PPIL1: variants seen among roughly 807,000 people sequenced by gnomAD.
PPIL1 encodes the protein peptidylprolyl isomerase like 1.
In PPIL1, 14 loss-of-function variants were observed where a neutral mutation model predicts 19.4. That is an observed-to-expected ratio of 0.72 (90% CI 0.48 to 1.13). The LOEUF (loss-of-function observed/expected upper bound fraction) is 1.13, where lower values mean the gene tolerates loss of function less well. Ranked by LOEUF, PPIL1 falls within the 50% of genes most tolerant of loss-of-function variation. The pLI is 0.00. For missense variants in PPIL1, 192 were observed against 218.0 expected (o/e 0.88, Z 0.75); for synonymous variants, 72 against 73.6 (o/e 0.98, Z 0.11).
At chr6:36,869,193 A>T (rs1268105373) in intron 2 of PPIL1, among the ~76,000 whole-genome samples, 1 of 152,184 alleles carries the variant, frequency 6.6e-6, no homozygotes, top group Non-Finnish European at 1.5e-5. Flanking sequence ...TATGTCGCCC[A>T]GGCTGGTCTT....
Position 36,855,725 on chromosome 6 carries a change from T to TA in PPIL1, c.*87_*88insT, listed in dbSNP as rs1774151200. The TA allele has an allele frequency of 2.3e-6, 3 of 1,298,170 alleles. No homozygotes were observed. The Admixed American group carries it at 5.7e-5, about 25-fold the overall frequency. 80.4% of individuals were successfully genotyped at this position (1,298,170 alleles called of 1,614,324 possible). A position where few individuals can be genotyped will look rare whatever the true frequency, so the allele number is the denominator to read the frequency against. On this transcript the variant is annotated 3_prime_UTR_variant, in exon 4 of 4. Transcript: ENST00000373699. Reference sequence around the variant, plus strand: ...AGCTTCATGACTTGCAAAGCCAAAATGAATTTAGCATTACATGTCATTCTA... The same window carrying TA: ...AGCTTCATGACTTGCAAAGCCAAAATAGAATTTAGCATTACATGTCATTCTA...
At chr6:36,865,109 G>A (rs1259925869) in intron 2 of PPIL1, among the ~76,000 whole-genome samples, 3 of 152,104 alleles carry the variant, frequency 2.0e-5, no homozygotes, top group Non-Finnish European at 2.9e-5. Flanking sequence ...CCACACTCCC[G>A]ACAGGTGAGC....
At chr6:36,869,407 G>A (rs1373957019) in intron 2 of PPIL1, among the ~76,000 whole-genome samples, 3 of 152,188 alleles carry the variant, frequency 2.0e-5, no homozygotes, top group Non-Finnish European at 2.9e-5. Context: ...GTCCCAAAGT[G>A]GCACAGTGCA....
intron 3 of PPIL1, 141 bp from the exon 4 acceptor site, chr6:36,856,174 GTCTCT>G: frequency 2.4e-5 from 20 of 835,152 alleles, no homozygotes; most frequent in Non-Finnish European, 3.5e-5. Flanking sequence ...CCTCAGGGCA[GTCTCT>G]CTGCCCTGTA....
At chr6:36,867,918 G>C (rs912663713) in intron 2 of PPIL1, among the ~76,000 whole-genome samples, 1 of 152,224 alleles carries the variant, frequency 6.6e-6, no homozygotes, top group African/African-American at 2.4e-5. Flanking sequence ...CACTGTATCT[G>C]AGCAAGTAAA....
chr6:36,865,734 A>G (rs1774382295), intron 2 of PPIL1, among the ~76,000 whole-genome samples: 1 of 152,166 alleles, frequency 6.6e-6, no homozygotes, highest in Non-Finnish European at 1.5e-5. Context: ...ACATTTGCAT[A>G]TTTATATTAT....
intron 2 of PPIL1, among the ~76,000 whole-genome samples, chr6:36,857,920 T>C (rs562634949): frequency 6.6e-6 from 1 of 152,278 alleles, no homozygotes; most frequent in East Asian, 1.9e-4. Context: ...AGGCAGGTTT[T>C]GCTCTAAGAG....
intron 2 of PPIL1, among the ~76,000 whole-genome samples, chr6:36,862,966 T>C (rs1282201323): frequency 6.6e-6 from 1 of 152,174 alleles, no homozygotes; most frequent in Non-Finnish European, 1.5e-5. Context: ...AATTACTGTT[T>C]AACCTTAATC....
At chr6:36,868,221 T>G (rs1326298547) in intron 2 of PPIL1, among the ~76,000 whole-genome samples, 1 of 152,006 alleles carries the variant, frequency 6.6e-6, no homozygotes, top group Non-Finnish European at 1.5e-5. Context: ...TAGATTCAAA[T>G]GGCATCAGTA....
At chr6:36,871,597 G>T in intron 2 of PPIL1, 121 bp downstream of exon 2, 2 of 1,233,836 alleles carry the variant, frequency 1.6e-6, no homozygotes, top group Non-Finnish European at 2.2e-6. Flanking sequence ...GGAAAAGAGA[G>T]CTCTGGCTGC....
chr6:36,865,440 T>C (rs1359285076), intron 2 of PPIL1, among the ~76,000 whole-genome samples: 2 of 152,190 alleles, frequency 1.3e-5, no homozygotes, highest in African/African-American at 4.8e-5. Flanking sequence ...TTTGATGCAT[T>C]TGTTCTGGGT....
chr6:36,860,567 G>A (rs955411266), intron 2 of PPIL1, among the ~76,000 whole-genome samples: 4 of 151,092 alleles, frequency 2.6e-5, no homozygotes, highest in Non-Finnish European at 5.9e-5. Flanking sequence ...GACCACCTCC[G>A]CCCCCAAGAA....
intron 2 of PPIL1, among the ~76,000 whole-genome samples, chr6:36,861,701 CT>C (rs59996744): frequency 2.9e-5 from 4 of 138,818 alleles, no homozygotes; most frequent in Non-Finnish European, 4.7e-5. Context: ...TTTTTAATTC[CT>C]TTTTTTTTTC....
rs1774148870 is a variant in PPIL1 at position 36,855,572 on chromosome 6, G to A, written c.*241C>T. 1.9e-6 allele frequency: 1 copy of A among 537,454 alleles called. No individual in the cohort carries two copies. Among genetic ancestry groups the A allele is most frequent in the Middle Eastern group, 5.1e-4 (1 of 1,948 alleles). The allele number at this position is 537,454 out of a possible 1,614,324, so 33.3% of individuals were successfully genotyped here. A position where few individuals can be genotyped will look rare whatever the true frequency, so the allele number is the denominator to read the frequency against. On this transcript the variant is annotated 3_prime_UTR_variant, in exon 4 of 4. Transcript: ENST00000373699. The stretch of plus-strand genomic sequence containing the variant: ...CATTATGGTTCATGTGTAGTAAGTA[G>A]TCACCTATTGATAAACAGGGGCATT...
intron 2 of PPIL1, among the ~76,000 whole-genome samples, chr6:36,867,521 G>A (rs1401471257): frequency 2.6e-5 from 4 of 152,250 alleles, no homozygotes; most frequent in Admixed American, 2.6e-4. Context: ...CAACAGGGGA[G>A]TGGGTGAGCA....
intron 2 of PPIL1, among the ~76,000 whole-genome samples, chr6:36,864,211 A>C (rs1774350648): frequency 6.6e-6 from 1 of 152,000 alleles, no homozygotes; most frequent in African/African-American, 2.4e-5. Context: ...GATCCTTTTC[A>C]AACAAGCCTA....
Position 36,871,762 on chromosome 6 carries a change from A to G in PPIL1, c.167T>C (p.Ile56Thr). 6.2e-7 allele frequency: 1 copy of G among 1,610,854 alleles called. No individual in the cohort carries two copies. Among genetic ancestry groups the G allele is most frequent in the Non-Finnish European group, 8.5e-7 (1 of 1,178,750 alleles). ...TCCTTGGATCATGAAGTCTTTGATA[A>G]TTCTGTGGAATTTTGTGCCATTGTA... ...GYYNGTKFHR[I>T]IKDFMIQGGD... The change falls in exon 2 of 4, where the codon ATT becomes ACT. Residue 56 changes from isoleucine to threonine, a missense_variant. By Grantham distance (89) the Ile-to-Thr change is moderately conservative (BLOSUM62 -1). Coordinates refer to ENST00000373699, the MANE Select transcript of PPIL1 (RefSeq NM_016059.5).
intron 2 of PPIL1, 48 bp from the exon 3 acceptor site, chr6:36,856,702 T>G: frequency 1.3e-6 from 2 of 1,549,166 alleles, no homozygotes; most frequent in Non-Finnish European, 1.8e-6. Flanking sequence ...ACACATTCTA[T>G]CTCACAGCAA....
intron 2 of PPIL1, among the ~76,000 whole-genome samples, chr6:36,869,496 A>G (rs1160356826): frequency 6.6e-6 from 1 of 152,202 alleles, no homozygotes; most frequent in Non-Finnish European, 1.5e-5. Context: ...ATTCTGAAAC[A>G]TGAATGAACT....
Sources: allele counts gnomAD v4.1 joint callset (sites outside exome capture counted in the v4.1 genomes callset), GRCh38; gene constraint gnomAD v4.1.1; transcripts MANE v1.5; gene names NCBI Gene and HGNC (gene_info 2026-07-23, HGNC 2026-07-21).